Variants in TBC1D1 observed in about 807,000 individuals in gnomAD.
TBC1D1 encodes the protein TBC1 (tre-2/USP6, BUB2, cdc16) domain family, member 1.
A neutral mutation model predicts 125.6 loss-of-function variants in TBC1D1; 89 were observed. The ratio of observed to expected loss-of-function variants is 0.71; its 90% confidence interval spans 0.60 to 0.85. The LOEUF (loss-of-function observed/expected upper bound fraction) is 0.85, where lower values mean the gene tolerates loss of function less well. TBC1D1 is among the 40% of genes least tolerant of loss of function. The pLI, the probability that TBC1D1 is intolerant of heterozygous loss-of-function variation, is 0.00. For missense variants in TBC1D1, 1,377 were observed against 1,469.2 expected (o/e 0.94, Z 1.03); for synonymous variants, 565 against 564.1 (o/e 1.00, Z -0.02).
At chr4:37,986,468 C>T (rs1057087198) in intron 2 of TBC1D1, among the ~76,000 whole-genome samples, 9 of 152,098 alleles carry the variant, frequency 5.9e-5, no homozygotes, top group Admixed American at 3.3e-4. Context: ...GTTTTTGAGA[C>T]GGAGTCTTGC....
chr4:38,035,566 G>A, intron 7 of TBC1D1, 22 bp from the exon 8 acceptor site: 1 of 1,586,286 alleles, frequency 6.3e-7, no homozygotes, highest in South Asian at 1.1e-5. Context: ...AATAAATCCT[G>A]TTTCTGATTT....
chr4:38,013,001 G>T (rs1290421537), intron 2 of TBC1D1, among the ~76,000 whole-genome samples: 3 of 151,888 alleles, frequency 2.0e-5, no homozygotes, highest in African/African-American at 7.3e-5. Context: ...CACTATGTTG[G>T]CCAGGCTGGT....
chr4:37,964,102 C>A (rs1730601234), intron 2 of TBC1D1, among the ~76,000 whole-genome samples: 2 of 152,344 alleles, frequency 1.3e-5, no homozygotes, highest in East Asian at 1.9e-4. Flanking sequence ...ACTATAGCAT[C>A]CCTGAGGACT....
At chr4:37,992,735 T>C (rs773409330) in intron 2 of TBC1D1, among the ~76,000 whole-genome samples, 2 of 151,556 alleles carry the variant, frequency 1.3e-5, no homozygotes, top group South Asian at 2.1e-4. Flanking sequence ...CCTCGTGATC[T>C]GCCCGCCTCG....
intron 2 of TBC1D1, among the ~76,000 whole-genome samples, chr4:37,953,268 T>C (rs1460384275): frequency 6.6e-6 from 1 of 152,256 alleles, no homozygotes; most frequent in Non-Finnish European, 1.5e-5. Flanking sequence ...ATGGTGTTTT[T>C]AATCTGGAGG....
At chr4:38,129,050 G>A (rs913931119) in intron 18 of TBC1D1, among the ~76,000 whole-genome samples, 4 of 152,196 alleles carry the variant, frequency 2.6e-5, no homozygotes, top group African/African-American at 9.7e-5. Context: ...TCATGTCAGA[G>A]CTTGTTAGAA....
chr4:37,947,880 C>G (rs1727033383), intron 2 of TBC1D1, among the ~76,000 whole-genome samples: 1 of 150,352 alleles, frequency 6.7e-6, no homozygotes. Context: ...GTGGACAGTT[C>G]ATTGTAAAAA....
At chr4:38,136,636 T>C (rs973355355) in intron 19 of TBC1D1, among the ~76,000 whole-genome samples, 6 of 152,212 alleles carry the variant, frequency 3.9e-5, no homozygotes, top group African/African-American at 1.2e-4. Flanking sequence ...GAAACTGTTT[T>C]GAGTTTTTGT....
At chr4:37,994,708 C>T (rs903039260) in intron 2 of TBC1D1, among the ~76,000 whole-genome samples, 1 of 152,170 alleles carries the variant, frequency 6.6e-6, no homozygotes, top group Non-Finnish European at 1.5e-5. Context: ...AAAAATGAAA[C>T]TTGCCGTGTG....
At chr4:38,114,371 G>C (rs923941097) in intron 15 of TBC1D1, among the ~76,000 whole-genome samples, 2 of 152,210 alleles carry the variant, frequency 1.3e-5, no homozygotes, top group Non-Finnish European at 2.9e-5. Flanking sequence ...TTCCTCTTGA[G>C]TCAAGTTCAG....
chr4:37,977,464 G>A lies in TBC1D1; in HGVS notation c.418-37045G>A. 2 of 986,394 alleles carry A rather than the reference G, an allele frequency of 2.0e-6. No homozygotes were observed. Among genetic ancestry groups the A allele is most frequent in the East Asian group, 2.3e-4 (2 of 8,602 alleles). The allele number at this position is 986,394 out of a possible 1,614,324, so 61.1% of individuals were successfully genotyped here. ...CACGGGCCGGCGGCGGGAGTGAGCG[G>A]GAGCCGGCGGGCGAAGAGCCGCCGC... On this transcript the variant is annotated intron_variant, in intron 2 of 19. Coordinates refer to ENST00000261439, the MANE Select transcript of TBC1D1 (RefSeq NM_015173.4). This position sits in a 1 kb window ranked among gnomAD's most constrained non-coding sequence, Gnocchi z 4.3.
At chr4:37,905,210 A>G (rs1323458209) in intron 2 of TBC1D1, among the ~76,000 whole-genome samples, 1 of 152,244 alleles carries the variant, frequency 6.6e-6, no homozygotes, top group Non-Finnish European at 1.5e-5. Context: ...AAACTTCAAA[A>G]CATTTTGTGG....
intron 2 of TBC1D1, among the ~76,000 whole-genome samples, chr4:37,993,034 C>T (rs2152391203): frequency 6.6e-6 from 1 of 151,930 alleles, no homozygotes; most frequent in East Asian, 1.9e-4. Context: ...GAACTCCTGA[C>T]CTCAGGTGAT....
chr4:38,133,159 G>A lies in TBC1D1; in HGVS notation c.3208G>A (p.Asp1070Asn), dbSNP rs770144771. Residue 1070 changes from aspartate (D) to asparagine (N), a missense_variant, in exon 19 of 20, where the codon GAT becomes AAT. Coordinates refer to ENST00000261439, the MANE Select transcript of TBC1D1 (RefSeq NM_015173.4). ...CCACGTCCTTCAAGAAGAACTTATCGATTCCTCTCCTCTCAGTGACAACCA... is the reference window on the plus strand; with the variant it reads ...CCACGTCCTTCAAGAAGAACTTATCAATTCCTCTCCTCTCAGTGACAACCA... 6.2e-6 allele frequency: 10 copies of A among 1,614,134 alleles called. No homozygotes were observed. Among genetic ancestry groups the A allele is most frequent in the East Asian group, 2.2e-5 (1 of 44,886 alleles).
chr4:38,034,956 A>G (rs1746918767), intron 7 of TBC1D1, among the ~76,000 whole-genome samples: 1 of 152,204 alleles, frequency 6.6e-6, no homozygotes, highest in South Asian at 2.1e-4. Context: ...GCTAGAATTA[A>G]GGGGCTTGGC....
Position 38,021,634 on chromosome 4 carries a change from G to A in TBC1D1, c.1126G>A (p.Val376Met). ...GAAACAGGCCTTCACGGTGGCCGCA[G>A]TGCAGCAGACAGCTAAGGCGCCAGC... The change falls in exon 6 of 20, where the codon GTG becomes ATG. Residue 376 changes from valine to methionine, a missense_variant. Transcript: ENST00000261439. 6.3e-7 allele frequency: 1 copy of A among 1,595,868 alleles called. No individual in the cohort carries two copies. Among genetic ancestry groups the A allele is most frequent in the Middle Eastern group, 2.0e-4 (1 of 5,046 alleles).
chr4:38,078,885 C>T (rs1262078270), intron 12 of TBC1D1, among the ~76,000 whole-genome samples: 2 of 152,218 alleles, frequency 1.3e-5, no homozygotes, highest in South Asian at 2.1e-4. Context: ...TTCTCTGTAA[C>T]ATAGCCACTT....
chr4:37,964,743 T>A (rs1730745685), intron 2 of TBC1D1, among the ~76,000 whole-genome samples: 1 of 152,254 alleles, frequency 6.6e-6, no homozygotes, highest in African/African-American at 2.4e-5. Flanking sequence ...AGAATTTGCT[T>A]CCTTTCTCTC....
chr4:38,053,789 C>T (rs1041811889), intron 11 of TBC1D1, among the ~76,000 whole-genome samples: 36 of 152,148 alleles, frequency 2.4e-4, no homozygotes, highest in African/African-American at 8.7e-4. Flanking sequence ...TTGTGGGAAT[C>T]CTTGGAGACA....
Sources: gnomAD v4.1 joint callset for allele counts (sites outside exome capture counted in the v4.1 genomes callset) on GRCh38, gnomAD v4.1.1 for gene constraint, Gnocchi (gnomAD v3.1) non-coding constraint, MANE v1.5 for transcripts, NCBI Gene and HGNC (gene_info 2026-07-23, HGNC 2026-07-21) for gene names.